The following CARD8 variants were observed in gnomAD, a reference collection of about 807,000 sequenced individuals.
The protein encoded by CARD8 is caspase recruitment domain-containing protein 8.
CARD8 carries 38 observed loss-of-function variants against 53.2 expected under a neutral mutation model. The observed-to-expected ratio is 0.71, with a 90% CI of 0.55 to 0.94. CARD8 has a LOEUF of 0.94. CARD8 is among the 40% of genes least tolerant of loss of function. The pLI, the probability that CARD8 is intolerant of heterozygous loss-of-function variation, is 0.00. For synonymous variants in CARD8, 245 were observed against 244.9 expected, an observed-to-expected ratio of 1.00 and a Z score of 0.00; for missense variants, 561 against 655.5, an observed-to-expected ratio of 0.86 and a Z score of 1.57.
At chr19:48,239,442 T>A (rs1302539716) in intron 4 of CARD8, among the ~76,000 whole-genome samples, 1 of 151,468 alleles carries the variant, frequency 6.6e-6, no homozygotes, top group African/African-American at 2.4e-5. Context: ...CTTTTATGCA[T>A]GCCAGATCAT....
In CARD8 at chr19:48,221,785, T is replaced by G; in HGVS notation, c.1106A>C (p.Asn369Thr). ...AGACACAATATAACTGGAACCAAAG[T>G]TCAGGGGTTCCATTGGGGGCGAAGT... is the stretch of plus-strand genomic sequence containing the variant. ...LQTSPPMEPL[N>T]FGSSYIVSNS... The change falls in exon 11 of 14, where the codon AAC (asparagine) becomes ACC (threonine). Residue 369 changes from asparagine (N) to threonine (T), a missense_variant. Transcript: ENST00000651546. 1 of 1,607,940 alleles carries G rather than the reference T, an allele frequency of 6.2e-7. No homozygotes were observed. Among genetic ancestry groups the G allele is most frequent in the Non-Finnish European group, 8.5e-7 (1 of 1,175,430 alleles).
At chr19:48,222,963 T>C (rs192121290) in intron 10 of CARD8, among the ~76,000 whole-genome samples, 27 of 152,130 alleles carry the variant, frequency 1.8e-4, no homozygotes, top group African/African-American at 6.5e-4. Context: ...CATATGTGAG[T>C]GTGTCAACTA....
Position 48,230,425 on chromosome 19 carries a change from T to G in CARD8, c.1035+13A>C, listed in dbSNP as rs776870610. ...TCGTCATCTTCTCTGGTCTCCTAAA[T>G]CACTCAGCTTACCTTTGTTAGCAAG... On this transcript the variant is annotated intron_variant, in intron 10 of 13. Coordinates refer to ENST00000651546, the MANE Select transcript of CARD8 (RefSeq NM_001184900.3). The G allele has an allele frequency of 2.5e-6, 4 of 1,591,106 alleles. No individual in the cohort carries two copies. The South Asian group carries it at 4.6e-5, about 18-fold the overall frequency.
At chr19:48,229,672 A>G (rs1026782450) in intron 10 of CARD8, among the ~76,000 whole-genome samples, 19 of 152,212 alleles carry the variant, frequency 1.2e-4, no homozygotes, top group Admixed American at 9.2e-4. Context: ...AGCAACCAGC[A>G]CGTCTGCTTC....
At chr19:48,226,836 G>A (rs752983786) in intron 10 of CARD8, among the ~76,000 whole-genome samples, 5 of 152,062 alleles carry the variant, frequency 3.3e-5, no homozygotes, top group Admixed American at 6.5e-5. Context: ...AAAAGAAATC[G>A]AGGCCGAGGG....
downstream of CARD8, among the ~76,000 whole-genome samples, chr19:48,206,714 TGGA>T (rs151011409): frequency 0.14 from 7,124 of 51,250 alleles, 555 homozygotes; most frequent in African/African-American, 0.26. Context: ...ACTCCGACTC[TGGA>T]GTGTACTTTC....
chr19:48,233,030 T>C (rs531054714), intron 6 of CARD8: 29 of 354,550 alleles, frequency 8.2e-5, no homozygotes, highest in African/African-American at 5.8e-4. Flanking sequence ...GTAAAATGTA[T>C]GCATTTATAT....
chr19:48,227,130 T>C (rs2146006607), intron 10 of CARD8, among the ~76,000 whole-genome samples: 1 of 151,518 alleles, frequency 6.6e-6, no homozygotes, highest in South Asian at 2.1e-4. Context: ...GTGGAGGAAT[T>C]AAAGATGAAC....
chr19:48,242,517 C>T (rs1039051963), intron 3 of CARD8: 3 of 152,204 alleles, frequency 2.0e-5, no homozygotes, highest in African/African-American at 7.2e-5. Context: ...AAGGTCCATC[C>T]ATATTATACC....
At chr19:48,224,151 G>A (rs527611011) in intron 10 of CARD8, among the ~76,000 whole-genome samples, 3 of 152,188 alleles carry the variant, frequency 2.0e-5, no homozygotes, top group African/African-American at 4.8e-5. Context: ...TAGTAGAGAC[G>A]GAGTTTCACC....
chr19:48,230,021 G>A (rs778697122), intron 10 of CARD8, among the ~76,000 whole-genome samples: 4 of 152,108 alleles, frequency 2.6e-5, no homozygotes, highest in Non-Finnish European at 4.4e-5. Context: ...GCTGAGGCAG[G>A]AGAATCGCTT....
intron 10 of CARD8, among the ~76,000 whole-genome samples, chr19:48,227,583 T>C (rs975557805): frequency 1.3e-5 from 2 of 151,916 alleles, no homozygotes; most frequent in Admixed American, 1.3e-4. Context: ...GGCGGGCAGA[T>C]CACAAGGTCA....
At chr19:48,232,023 C>A in intron 7 of CARD8, 1 of 652,840 alleles carries the variant, frequency 1.5e-6, no homozygotes. Flanking sequence ...ACACCAAATT[C>A]CATAAGACTT....
chr19:48,242,953 G>T (rs962650146), intron 3 of CARD8, among the ~76,000 whole-genome samples: 1 of 152,040 alleles, frequency 6.6e-6, no homozygotes, highest in Non-Finnish European at 1.5e-5. Flanking sequence ...CATGTAAAGT[G>T]ATAAGTTATT....
At chr19:48,241,358 C>T (rs1430048956) in intron 3 of CARD8, among the ~76,000 whole-genome samples, 6 of 152,162 alleles carry the variant, frequency 3.9e-5, no homozygotes, top group Admixed American at 3.9e-4. Flanking sequence ...CGGGTTCAAG[C>T]GATTCTCCTG....
At chr19:48,213,450 C>T (rs547574539) in intron 13 of CARD8, among the ~76,000 whole-genome samples, 2 of 152,278 alleles carry the variant, frequency 1.3e-5, no homozygotes, top group African/African-American at 4.8e-5. Context: ...TCTCGGCTTA[C>T]TGCAATCTCC....
At chr19:48,223,984 T>G in intron 10 of CARD8, 1 of 440,580 alleles carries the variant, frequency 2.3e-6, no homozygotes. Flanking sequence ...TTTTTTGAGA[T>G]GGAGTCTCGC....
At chr19:48,238,173 G>A in intron 5 of CARD8, 1 of 829,550 alleles carries the variant, frequency 1.2e-6, no homozygotes, top group Non-Finnish European at 1.7e-6. Context: ...TTACAGGTGT[G>A]AGCCACTGGG....
At chr19:48,230,144 A>G (rs955947320) in intron 10 of CARD8, among the ~76,000 whole-genome samples, 1 of 151,964 alleles carries the variant, frequency 6.6e-6, no homozygotes, top group Non-Finnish European at 1.5e-5. Context: ...TGGTGAAAAA[A>G]TCTCTGCATC....
Sources: gnomAD v4.1 joint callset for allele counts (sites outside exome capture counted in the v4.1 genomes callset) on GRCh38, gnomAD v4.1.1 for gene constraint, MANE v1.5 for transcripts, NCBI Gene and HGNC (gene_info 2026-07-23, HGNC 2026-07-21) for gene names.